Variants in ANAPC11 observed in about 807,000 individuals in gnomAD.
ANAPC11 encodes anaphase-promoting complex subunit 11.
Under a neutral mutation model 11.8 loss-of-function variants are expected in ANAPC11, and 5 were observed. The observed-to-expected ratio is 0.42, with a 90% confidence interval of 0.22 to 0.89. The LOEUF is 0.89. Among genes scored for constraint, ANAPC11 ranks in the 40% least tolerant of loss-of-function variants. The pLI is 0.28. For synonymous variants in ANAPC11, 45 were observed against 41.0 expected (o/e 1.10, Z -0.38); for missense variants, 68 against 112.9 (o/e 0.60, Z 1.80).
intron 3 of ANAPC11, chr17:81,898,834 C>T (rs1018130495): frequency 3.7e-5 from 8 of 218,374 alleles, no homozygotes; most frequent in African/African-American, 1.2e-4. Context: ...CACCCCAGGC[C>T]GGCTTCGGGT....
intron 3 of ANAPC11, chr17:81,899,475 C>G (rs1567872271): frequency 1.2e-6 from 2 of 1,614,030 alleles, no homozygotes; most frequent in Non-Finnish European, 1.7e-6. Flanking sequence ...TCCTTGGTGC[C>G]TTGACCATTC....
At chr17:81,891,200 C>G (rs951519883), upstream of ANAPC11, 6 of 823,444 alleles carry the variant, frequency 7.3e-6, no homozygotes, top group Admixed American at 5.2e-5. Context: ...CCCTCCGGAC[C>G]TCCGGGCGGC....
At chr17:81,900,465 C>T (rs564081836), downstream of ANAPC11, 2 of 243,654 alleles carry the variant, frequency 8.2e-6, no homozygotes, top group Non-Finnish European at 1.6e-5. Flanking sequence ...TTGCCGGCGG[C>T]GGCCCTGGGA....
upstream of ANAPC11, chr17:81,891,093 G>A: frequency 3.0e-6 from 2 of 676,434 alleles, no homozygotes; most frequent in African/African-American, 3.7e-5. Flanking sequence ...CCAACGTCCG[G>A]AACAAACAAA....
intron 3 of ANAPC11, chr17:81,899,068 G>T: frequency 1.5e-6 from 1 of 688,084 alleles, no homozygotes; most frequent in East Asian, 2.7e-5. Context: ...GGACAGGAGG[G>T]TGGCCACGAG....
chr17:81,892,628 G>T (rs544361254), intron 1 of ANAPC11, among the ~76,000 whole-genome samples: 2 of 140,748 alleles, frequency 1.4e-5, no homozygotes, highest in African/African-American at 5.9e-5. Flanking sequence ...GTTCAAGCGA[G>T]TCTCCAGCGG....
At chr17:81,894,354 G>A (rs972455174) in intron 2 of ANAPC11, 113 bp from the exon 3 acceptor site, 1 of 483,328 alleles carries the variant, frequency 2.1e-6, no homozygotes, top group Admixed American at 3.7e-5. Flanking sequence ...TTCCTGCCTT[G>A]GCCCCCTGAG....
At chr17:81,895,284 C>T (rs924138452) in intron 3 of ANAPC11, among the ~76,000 whole-genome samples, 1 of 152,076 alleles carries the variant, frequency 6.6e-6, no homozygotes, top group African/African-American at 2.4e-5. Context: ...CTGTCAACCT[C>T]AGGTGATCCA....
Position 81,899,113 on chromosome 17 carries a change from G to A in ANAPC11, c.110-807G>A, listed in dbSNP as rs1598303900. ...CACAATGCCAGGCCGACCCTGCCGT[G>A]GGGCTGGGGCTGGGACTTGCTGTGC... On this transcript the variant is annotated intron_variant, in intron 3 of 3. Transcript: ENST00000344877. The A allele has an allele frequency of 3.9e-6, 4 of 1,017,976 alleles. No homozygotes were observed. In the East Asian group the frequency reaches 1.0e-4, roughly 27 times the overall value. The allele number at this position is 1,017,976 out of a possible 1,614,324, so 63.1% of individuals were successfully genotyped here.
upstream of ANAPC11, chr17:81,891,601 G>A: frequency 7.2e-7 from 1 of 1,385,246 alleles, no homozygotes. Context: ...CCGCGCGTCA[G>A]CACGCCGGCA....
chr17:81,895,530 G>A (rs1423388033), intron 3 of ANAPC11, among the ~76,000 whole-genome samples: 2 of 152,236 alleles, frequency 1.3e-5, no homozygotes, highest in African/African-American at 2.4e-5. Flanking sequence ...AAGAGATGGA[G>A]GCCGGCATGG....
chr17:81,892,423 G>A (rs1209075748), intron 1 of ANAPC11, among the ~76,000 whole-genome samples: 11 of 151,914 alleles, frequency 7.2e-5, no homozygotes, highest in Admixed American at 2.0e-4. Context: ...GAGCCGTGGT[G>A]GCACCACTGC....
At position 81,894,564 on chromosome 17, in the gene ANAPC11, A is replaced by G. The variant is rs2143537170; in HGVS notation, c.87A>G (p.Ala29=). ...NDENCGICRM[A]FNGCCPDCKV... is the part of the protein sequence containing the mutation. ...AGAACTGTGGCATCTGCAGGATGGC[A>G]TTTAACGGATGCTGCCCTGACTGTG... is the stretch of plus-strand genomic sequence containing the variant. The change falls in exon 3 of 4, where the codon GCA becomes GCG. Residue 29 remains alanine (A), a synonymous_variant. Coordinates refer to ENST00000344877, the MANE Select transcript of ANAPC11 (RefSeq NM_001002248.3). 2 of 1,611,230 alleles carry G rather than the reference A, an allele frequency of 1.2e-6. No homozygotes were observed. Among genetic ancestry groups the G allele is most frequent in the Non-Finnish European group, 1.7e-6 (2 of 1,178,166 alleles).
At chr17:81,896,573 CAGAGGACAGTGGGGAATGG>C (rs904485696) in intron 3 of ANAPC11, among the ~76,000 whole-genome samples, 4 of 152,098 alleles carry the variant, frequency 2.6e-5, no homozygotes, top group Non-Finnish European at 4.4e-5. Flanking sequence ...AAGAACTCCC[CAGAGGACAGTGGGGAATGG>C]AGAGGACAGT....
chr17:81,895,654 C>T (rs553631270), intron 3 of ANAPC11, among the ~76,000 whole-genome samples: 7 of 152,156 alleles, frequency 4.6e-5, no homozygotes, highest in Admixed American at 1.3e-4. Context: ...CTGTGGGAGG[C>T]CAAGGTAGGC....
chr17:81,891,145 G>A (rs957959636), upstream of ANAPC11: 11 of 554,260 alleles, frequency 2.0e-5, no homozygotes, highest in Non-Finnish European at 2.5e-5. Flanking sequence ...GACCCCGAAA[G>A]AACGACCTCG....
chr17:81,899,217 A>G (rs973909052), intron 3 of ANAPC11: 17 of 1,605,418 alleles, frequency 1.1e-5, no homozygotes, highest in South Asian at 3.3e-5. Flanking sequence ...ATCATGGCTG[A>G]TACAAGCATC....
intron 3 of ANAPC11, chr17:81,894,855 T>A (rs866037046): frequency 5.0e-5 from 19 of 379,524 alleles, no homozygotes; most frequent in South Asian, 4.1e-4. Context: ...GCAGCTGGGA[T>A]TACAGGCATG....
chr17:81,895,815 A>C (rs1221483525), intron 3 of ANAPC11, among the ~76,000 whole-genome samples: 1 of 152,202 alleles, frequency 6.6e-6, no homozygotes, highest in Non-Finnish European at 1.5e-5. Flanking sequence ...TAAAAATACA[A>C]AAATTAGCTG....
Sources: gnomAD v4.1 joint callset for allele counts (sites outside exome capture counted in the v4.1 genomes callset) on GRCh38, gnomAD v4.1.1 for gene constraint, MANE v1.5 for transcripts, NCBI Gene and HGNC (gene_info 2026-07-23, HGNC 2026-07-21) for gene names.